Variants in BFSP2 observed in about 807,000 individuals in gnomAD.
The protein encoded by BFSP2 is beaded filament structural protein 2, also known as phakinin.
BFSP2 carries 38 observed loss-of-function variants against 44.9 expected under a neutral mutation model. That is an observed-to-expected ratio of 0.85 (90% CI 0.65 to 1.11). The LOEUF (loss-of-function observed/expected upper bound fraction) is 1.11, where lower values mean the gene tolerates loss of function less well. Among genes scored for constraint, BFSP2 ranks in the 50% least tolerant of loss-of-function variants. The pLI, the probability that BFSP2 is intolerant of heterozygous loss-of-function variation, is 0.00. For synonymous variants in BFSP2, 197 were observed against 209.9 expected (o/e 0.94, Z 0.53); for missense variants, 525 against 533.0 (o/e 0.99, Z 0.15).
chr3:133,412,743 A>G (rs2073468373), intron 1 of BFSP2, among the ~76,000 whole-genome samples: 1 of 152,136 alleles, frequency 6.6e-6, no homozygotes, highest in African/African-American at 2.4e-5. Context: ...CTCGACACAC[A>G]GCGGGTGTTC....
At chr3:133,450,254 C>T (rs993272747) in intron 3 of BFSP2, 49 bp from the exon 4 acceptor site, 2 of 1,604,626 alleles carry the variant, frequency 1.2e-6, no homozygotes, top group Admixed American at 3.3e-5. Context: ...AATTCTATGC[C>T]ATTTATTTCC....
intron 3 of BFSP2, 143 bp downstream of exon 3, chr3:133,448,788 A>G (rs1382251204): frequency 1.8e-6 from 2 of 1,094,026 alleles, no homozygotes; most frequent in African/African-American, 3.2e-5. Context: ...TACCTGTAAA[A>G]TACTTTCAGA....
At chr3:133,442,057 G>C (rs1011611077) in intron 1 of BFSP2, among the ~76,000 whole-genome samples, 5 of 152,276 alleles carry the variant, frequency 3.3e-5, no homozygotes, top group African/African-American at 4.8e-5. Context: ...AAGCATGCAG[G>C]GCCTTGAAGG....
chr3:133,412,307 G>T (rs1326715146), intron 1 of BFSP2: 1 of 152,216 alleles, frequency 6.6e-6, no homozygotes, highest in African/African-American at 2.4e-5. Flanking sequence ...CTACCTCATC[G>T]GGTTGGTGCA....
In BFSP2 at chr3:133,400,770, G is replaced by A. The variant is rs753563544; in HGVS notation, c.489+198G>A. On this transcript the variant is annotated intron_variant, in intron 1 of 6. Coordinates refer to ENST00000302334, the MANE Select transcript of BFSP2 (RefSeq NM_003571.4). This position sits in a 1 kb window ranked among gnomAD's most constrained non-coding sequence, Gnocchi z 4.0. The stretch of plus-strand genomic sequence containing the variant: ...GGAGCCCACGCTAGCCCCCATACGT[G>A]CACTACCCACTGTCTTCTTTAAACT... 5.3e-5 allele frequency among the ~76,000 whole-genome samples: 8 copies of A among 152,224 alleles called. No individual in the cohort carries two copies. The highest frequency in any genetic ancestry group is 8.8e-5 in the Non-Finnish European group (6 of 68,038).
At chr3:133,467,356 G>T (rs1221691009) in intron 5 of BFSP2, among the ~76,000 whole-genome samples, 2 of 152,178 alleles carry the variant, frequency 1.3e-5, no homozygotes, top group African/African-American at 2.4e-5. Flanking sequence ...CAGCCCTTTT[G>T]CTTCAACATG....
At chr3:133,455,729 AC>A (rs930021422) in intron 4 of BFSP2, 8 of 151,202 alleles carry the variant, frequency 5.3e-5, no homozygotes, top group East Asian at 1.9e-4. Flanking sequence ...CCCTCCCCAA[AC>A]CCCCACCATC....
intron 4 of BFSP2, among the ~76,000 whole-genome samples, chr3:133,451,110 C>CAA (rs55964213): frequency 0.12 from 11,785 of 94,426 alleles, 1,102 homozygotes; most frequent in African/African-American, 0.19. Context: ...GACTCTGTCT[C>CAA]AAAAAAAAAA....
At chr3:133,468,826 A>T (rs941183987) in intron 5 of BFSP2, among the ~76,000 whole-genome samples, 4 of 152,224 alleles carry the variant, frequency 2.6e-5, no homozygotes, top group African/African-American at 9.6e-5. Context: ...TGGAGTGGAG[A>T]TAATTGTTGT....
At chr3:133,417,520 C>T (rs577858048) in intron 1 of BFSP2, among the ~76,000 whole-genome samples, 1,050 of 77,212 alleles carry the variant, frequency 0.014, 21 homozygotes, top group Non-Finnish European at 0.019. Context: ...TCCCTTCCCT[C>T]GCTCCCATCT....
chr3:133,457,278 C>T (rs551121341), intron 4 of BFSP2, among the ~76,000 whole-genome samples: 4 of 152,310 alleles, frequency 2.6e-5, no homozygotes, highest in South Asian at 4.1e-4. Context: ...ACGGGGATCC[C>T]GAAGCATCTT....
At chr3:133,443,300 G>A (rs1394720694) in intron 1 of BFSP2, among the ~76,000 whole-genome samples, 3 of 152,166 alleles carry the variant, frequency 2.0e-5, no homozygotes, top group Non-Finnish European at 2.9e-5. Flanking sequence ...AAATGTGAAA[G>A]TCATTAGCAC....
chr3:133,474,333 G>T (rs1349852989), intron 6 of BFSP2, among the ~76,000 whole-genome samples: 4 of 152,190 alleles, frequency 2.6e-5, no homozygotes, highest in Non-Finnish European at 5.9e-5. Context: ...AAAGATTTGC[G>T]CATGATCACA....
At chr3:133,420,384 G>C (rs1430858039) in intron 1 of BFSP2, among the ~76,000 whole-genome samples, 3 of 152,196 alleles carry the variant, frequency 2.0e-5, no homozygotes, top group African/African-American at 7.2e-5. Context: ...TGTTAGTAAA[G>C]AAGCAGCAGT....
intron 1 of BFSP2, among the ~76,000 whole-genome samples, chr3:133,412,880 T>C (rs912887836): frequency 2.0e-5 from 3 of 152,240 alleles, no homozygotes; most frequent in African/African-American, 7.2e-5. Flanking sequence ...CTGCAATGTC[T>C]GACACAGAGA....
chr3:133,425,539 A>G (rs9827245), intron 1 of BFSP2, among the ~76,000 whole-genome samples: 127,712 of 152,158 alleles, frequency 0.84, 53,853 homozygotes, highest in Middle Eastern at 0.94. Flanking sequence ...AACTAAAAAC[A>G]TCACACTCGT....
At chr3:133,466,101 G>A (rs1420706925) in intron 4 of BFSP2, among the ~76,000 whole-genome samples, 1 of 151,854 alleles carries the variant, frequency 6.6e-6, no homozygotes, top group African/African-American at 2.4e-5. Context: ...AACTGCAATC[G>A]CCTTTGCACC....
chr3:133,468,109 CT>C (rs1269645290), intron 5 of BFSP2, among the ~76,000 whole-genome samples: 1 of 152,200 alleles, frequency 6.6e-6, no homozygotes, highest in African/African-American at 2.4e-5. Context: ...ATTTTGAGAA[CT>C]TGCTATGTTC....
chr3:133,418,008 T>TTCTACTCACCCCTGTCCTCTCCCC (rs1559961289), intron 1 of BFSP2, among the ~76,000 whole-genome samples: 1 of 82,914 alleles, frequency 1.2e-5, no homozygotes, highest in African/African-American at 4.5e-5. Context: ...ATCCTCTCCA[T>TTCTACTCACCCCTGTCCTCTCCCC]TCTACTCACC....
Sources: gnomAD v4.1 joint callset for allele counts (sites outside exome capture counted in the v4.1 genomes callset) on GRCh38, gnomAD v4.1.1 for gene constraint, Gnocchi (gnomAD v3.1) non-coding constraint, MANE v1.5 for transcripts, NCBI Gene and HGNC (gene_info 2026-07-23, HGNC 2026-07-21) for gene names.